The following NRCAM variants were observed in gnomAD, a reference collection of about 807,000 sequenced individuals.
NRCAM encodes the protein NgCAM-related cell adhesion molecule.
A neutral mutation model predicts 156.5 loss-of-function variants in NRCAM; 83 were observed. That is an observed-to-expected ratio of 0.53 (90% CI 0.44 to 0.64). The LOEUF (loss-of-function observed/expected upper bound fraction) is 0.64, where lower values mean the gene tolerates loss of function less well. NRCAM is among the 30% of genes least tolerant of loss of function. The pLI, the probability that NRCAM is intolerant of heterozygous loss-of-function variation, is 0.00. For synonymous variants in NRCAM, 538 were observed against 563.9 expected (o/e 0.95, Z 0.65); for missense variants, 1,417 against 1,597.3 (o/e 0.89, Z 1.92).
At chr7:108,440,383 T>C (rs1320477101) in intron 1 of NRCAM, among the ~76,000 whole-genome samples, 1 of 152,232 alleles carries the variant, frequency 6.6e-6, no homozygotes, top group East Asian at 1.9e-4. Context: ...ACATTTTTTT[T>C]TCATTAAATG....
intron 20 of NRCAM, among the ~76,000 whole-genome samples, chr7:108,185,845 T>C (rs2066430236): frequency 6.6e-6 from 1 of 152,042 alleles, no homozygotes; most frequent in Non-Finnish European, 1.5e-5. Flanking sequence ...GAATCGTGTG[T>C]GCTGGATACT....
chr7:108,362,180 A>C (rs2099556836), intron 2 of NRCAM, among the ~76,000 whole-genome samples: 2 of 152,196 alleles, frequency 1.3e-5, no homozygotes, highest in African/African-American at 4.8e-5. Flanking sequence ...CCCAGATCAA[A>C]GCCTGGCAGA....
chr7:108,455,639 G>T (rs1310455455), intron 1 of NRCAM, among the ~76,000 whole-genome samples: 1 of 152,172 alleles, frequency 6.6e-6, no homozygotes, highest in African/African-American at 2.4e-5. Context: ...GCAGCGACTG[G>T]AGAAGCGAAG....
chr7:108,303,845 T>TATTA (rs1289427879), intron 3 of NRCAM, among the ~76,000 whole-genome samples: 2 of 152,176 alleles, frequency 1.3e-5, no homozygotes, highest in Non-Finnish European at 2.9e-5. Flanking sequence ...TTTATATCAC[T>TATTA]ATTACACCTT....
At chr7:108,290,049 C>T (rs927097755) in intron 3 of NRCAM, among the ~76,000 whole-genome samples, 11 of 152,122 alleles carry the variant, frequency 7.2e-5, no homozygotes, top group Non-Finnish European at 1.5e-4. Context: ...ATAAACTTGG[C>T]AGGTTAAATA....
chr7:108,214,569 A>AT (rs1180426001), intron 11 of NRCAM, among the ~76,000 whole-genome samples: 2 of 152,002 alleles, frequency 1.3e-5, no homozygotes, highest in Non-Finnish European at 2.9e-5. Flanking sequence ...GGATTTATTG[A>AT]TTTTTTGAAG....
Position 108,150,106 on chromosome 7 carries a change from G to A in NRCAM, c.3719C>T (p.Thr1240Ile). The A allele has an allele frequency of 6.2e-7, 1 of 1,612,294 alleles. No individual in the cohort carries two copies. The change falls in exon 33 of 33, where the codon ACT (threonine) becomes ATT (isoleucine). Residue 1240 changes from threonine to isoleucine, a missense_variant. By Grantham distance (89) the Thr-to-Ile change is moderately conservative. This residue lies in a region of NRCAM where 179 missense variants were observed against 260.9 expected (regional missense o/e 0.69). Transcript: ENST00000379028. ...TTTTTTCACAGTCCTGTCTGAAGGA[G>A]TTCGACTTCCTTTTTTCAAAGGCTT... is the stretch of plus-strand genomic sequence containing the variant. ...DHKPLKKGSRTPSDRTVKKED... is the reference protein window; with the variant it reads ...DHKPLKKGSRIPSDRTVKKED...
chr7:108,194,392 A>AT lies in NRCAM; in HGVS notation c.1499dup (p.Asp500GlufsTer7). On this transcript the variant is annotated frameshift_variant, in exon 16 of 33. Transcript: ENST00000379028. LOFTEE classifies it high-confidence loss of function. ...TTCCATTTTCATGTAAAACATAAAT[A>AT]TCTTCATGAAGAGCACTTCCTTTAG... 1 of 1,612,096 alleles carries AT rather than the reference A, an allele frequency of 6.2e-7. No homozygotes were observed. The highest frequency in any genetic ancestry group is 8.5e-7 in the Non-Finnish European group (1 of 1,178,904).
Position 108,455,398 on chromosome 7 carries a change from G to A in NRCAM, c.-332+845C>T, listed in dbSNP as rs1344383430. Among the ~76,000 whole-genome samples, 4 of 152,260 alleles carry A rather than the reference G, an allele frequency of 2.6e-5. No homozygotes were observed. In the East Asian group the frequency reaches 7.8e-4, roughly 30 times the overall value. On this transcript the variant is annotated intron_variant, in intron 1 of 32. Transcript: ENST00000379028. The stretch of plus-strand genomic sequence containing the variant: ...CCTGGCTCAACACAGCATCCCGGGC[G>A]GAGCGGATGCCAGATCCCACCGCTA...
Position 108,265,566 on chromosome 7 carries a change from T to C in NRCAM, c.-106-25396A>G, listed in dbSNP as rs188482246. 4.6e-4 allele frequency among the ~76,000 whole-genome samples: 70 copies of C among 152,314 alleles called. 1 individual carries two copies. The East Asian group carries it at 0.012, about 26-fold the overall frequency. On this transcript the variant is annotated intron_variant, in intron 3 of 32. Transcript: ENST00000379028. ...GGCTTCCTTCTGGAAACTCCTAAAG[T>C]GCAAAACACTCATGTTTTTAACTGC...
chr7:108,450,257 C>CTTTTTTTTTTTTT (rs11316439), intron 1 of NRCAM, among the ~76,000 whole-genome samples: 1 of 144,976 alleles, frequency 6.9e-6, no homozygotes. Context: ...TTACCACTGG[C>CTTTTTTTTTTTTT]TTTTTTTTTT....
chr7:108,384,036 G>A (rs1341557108), intron 2 of NRCAM, among the ~76,000 whole-genome samples: 2 of 152,162 alleles, frequency 1.3e-5, no homozygotes, highest in Non-Finnish European at 2.9e-5. Context: ...TTATAAGTGG[G>A]AGCTAAATGA....
intron 3 of NRCAM, among the ~76,000 whole-genome samples, chr7:108,267,378 G>C (rs75153324): frequency 6.6e-6 from 1 of 152,324 alleles, no homozygotes; most frequent in African/African-American, 2.4e-5. Context: ...TTATAATATA[G>C]CAATTGCTCC....
chr7:108,161,093 G>C (rs1180185874), intron 30 of NRCAM, among the ~76,000 whole-genome samples: 3 of 152,156 alleles, frequency 2.0e-5, no homozygotes, highest in African/African-American at 7.2e-5. Flanking sequence ...ACTTAGATTT[G>C]TTATTCATCT....
chr7:108,176,375 G>T (rs1469388524), intron 27 of NRCAM, 55 bp downstream of exon 27: 1 of 1,506,534 alleles, frequency 6.6e-7, no homozygotes. Context: ...TAAACTTAAA[G>T]ATTTTTATTT....
chr7:108,450,816 A>T (rs896031588), intron 1 of NRCAM, among the ~76,000 whole-genome samples: 2 of 152,226 alleles, frequency 1.3e-5, no homozygotes, highest in African/African-American at 2.4e-5. Context: ...GTAATCAATT[A>T]ATACTTGTTG....
chr7:108,170,649 CTG>C (rs1236490018), intron 28 of NRCAM, among the ~76,000 whole-genome samples: 2 of 152,206 alleles, frequency 1.3e-5, no homozygotes, highest in African/African-American at 4.8e-5. Context: ...TAAAACCAAA[CTG>C]TGCTCTGGCC....
chr7:108,456,507 C>T (rs1433003229), upstream of NRCAM: 3 of 152,018 alleles, frequency 2.0e-5, no homozygotes, highest in Non-Finnish European at 2.9e-5. Context: ...GTGCTTTTGC[C>T]CCTCCCGGCT....
At chr7:108,255,587 C>A (rs1453548594) in intron 3 of NRCAM, among the ~76,000 whole-genome samples, 4 of 152,106 alleles carry the variant, frequency 2.6e-5, no homozygotes, top group Non-Finnish European at 5.9e-5. Context: ...CCGGCCGCCA[C>A]CCCGTCTGGG....
Sources: allele counts gnomAD v4.1 joint callset (sites outside exome capture counted in the v4.1 genomes callset), GRCh38; gene constraint gnomAD v4.1.1; regional missense constraint gnomAD v4.1.1; transcripts MANE v1.5; gene names NCBI Gene and HGNC (gene_info 2026-07-23, HGNC 2026-07-21).